DDHD2: variants seen among roughly 807,000 people sequenced by gnomAD.
DDHD2 encodes triacylglycerol hydrolase DDHD2.
A neutral mutation model predicts 91.2 loss-of-function variants in DDHD2; 62 were observed. That is an observed-to-expected ratio of 0.68 (90% CI 0.55 to 0.84). The LOEUF (loss-of-function observed/expected upper bound fraction) is 0.84, where lower values mean the gene tolerates loss of function less well. Among genes scored for constraint, DDHD2 ranks in the 40% least tolerant of loss-of-function variants. DDHD2 has a pLI of 0.00. For missense variants in DDHD2, 740 were observed against 846.9 expected (o/e 0.87, Z 1.57); for synonymous variants, 271 against 293.9 (o/e 0.92, Z 0.80).
chr8:38,271,674 GAC>G (rs1368670085), downstream of DDHD2: 1 of 152,188 alleles, frequency 6.6e-6, no homozygotes, highest in African/African-American at 2.4e-5. Context: ...CACCAACTTG[GAC>G]AACTGGGGGA....
intron 10 of DDHD2, among the ~76,000 whole-genome samples, chr8:38,248,618 G>A (rs1277658241): frequency 2.0e-5 from 3 of 151,920 alleles, no homozygotes; most frequent in African/African-American, 7.2e-5. Context: ...AATTAACCTG[G>A]TCTCATAAGG....
downstream of DDHD2, chr8:38,267,133 A>T: frequency 6.5e-7 from 1 of 1,545,808 alleles, no homozygotes; most frequent in Non-Finnish European, 8.7e-7. Flanking sequence ...TAAACTGTGG[A>T]GTTACTAAAG....
intron 3 of DDHD2, among the ~76,000 whole-genome samples, chr8:38,235,001 T>C (rs1804600776): frequency 6.6e-6 from 1 of 152,164 alleles, no homozygotes; most frequent in South Asian, 2.1e-4. Context: ...AGTATTTTTT[T>C]TCATGTTTCA....
intron 3 of DDHD2, among the ~76,000 whole-genome samples, chr8:38,235,873 G>GCACACACGCACA (rs1554511691): frequency 2.0e-5 from 3 of 147,780 alleles, no homozygotes; most frequent in African/African-American, 7.5e-5. Context: ...AAGTACACGC[G>GCACACACGCACA]CACACACACA....
At chr8:38,235,871 G>GCACACACACA (rs1439175045) in intron 3 of DDHD2, among the ~76,000 whole-genome samples, 2 of 50,392 alleles carry the variant, frequency 4.0e-5, no homozygotes, top group Admixed American at 5.8e-4. Context: ...AAAAGTACAC[G>GCACACACACA]CGCACACACA....
chr8:38,267,263 AT>A (rs1807768105), downstream of DDHD2: 1 of 1,613,880 alleles, frequency 6.2e-7, no homozygotes, highest in African/African-American at 1.3e-5. Flanking sequence ...TATGATATTC[AT>A]ACAGGAAGAA....
chr8:38,250,703 C>G (rs913627499), intron 11 of DDHD2: 1 of 151,810 alleles, frequency 6.6e-6, no homozygotes, highest in Non-Finnish European at 1.5e-5. Flanking sequence ...TAAAATTCAC[C>G]CTTTTAAAGT....
intron 16 of DDHD2, among the ~76,000 whole-genome samples, chr8:38,254,475 G>A (rs2130859371): frequency 6.6e-6 from 1 of 151,870 alleles, no homozygotes; most frequent in East Asian, 1.9e-4. Context: ...TGACCTCCTG[G>A]ACTCAAGTGA....
At chr8:38,238,592 A>G in intron 5 of DDHD2, 3 of 1,019,688 alleles carry the variant, frequency 2.9e-6, no homozygotes, top group Non-Finnish European at 3.5e-6. Flanking sequence ...CTGATTATGC[A>G]CTGCTATCTA....
At chr8:38,255,194 C>CAAAAAAAAAAAAAAA in intron 16 of DDHD2, 1 of 114,112 alleles carries the variant, frequency 8.8e-6, no homozygotes, top group Non-Finnish European at 1.6e-5. Context: ...GACTCCATCT[C>CAAAAAAAAAAAAAAA]AAAAAAAAAA....
In DDHD2 at chr8:38,249,717, A is replaced by G; in HGVS notation, c.1258A>G (p.Thr420Ala). 2 of 1,608,664 alleles carry G rather than the reference A, an allele frequency of 1.2e-6. No homozygotes were observed. The highest frequency in any genetic ancestry group is 1.7e-6 in the Non-Finnish European group (2 of 1,176,034). ...KVDKEALALCTDRDLQEIGIP... is the reference protein window; with the variant it reads ...KVDKEALALCADRDLQEIGIP... ...GATTTTCTATGCCTAGGCTTTATGT[A>G]CAGACCGAGATCTTCAGGAAATAGG... The change falls in exon 11 of 18, where the codon ACA (threonine) becomes GCA (alanine). Residue 420 changes from threonine (T) to alanine (A), a missense_variant. Around this residue, in one of 2 missense-constraint regions of DDHD2, gnomAD observed 693 missense variants for 764.2 expected, o/e 0.91. Coordinates refer to ENST00000397166, the MANE Select transcript of DDHD2 (RefSeq NM_015214.3).
chr8:38,237,342 A>G (rs1585704861), intron 3 of DDHD2, among the ~76,000 whole-genome samples, 196 bp from the exon 4 acceptor site: 1 of 151,954 alleles, frequency 6.6e-6, no homozygotes, highest in East Asian at 1.9e-4. Context: ...TGCCACTGCA[A>G]CCCAGCCTGG....
downstream of DDHD2, chr8:38,267,787 A>C: frequency 8.9e-7 from 1 of 1,122,622 alleles, no homozygotes; most frequent in South Asian, 1.4e-5. Context: ...ATCAGAGTGA[A>C]GATAAAGGAG....
At chr8:38,256,927 T>C (rs907669263) in intron 16 of DDHD2, among the ~76,000 whole-genome samples, 2 of 152,116 alleles carry the variant, frequency 1.3e-5, no homozygotes, top group Non-Finnish European at 2.9e-5. Context: ...TTTTTTATTT[T>C]TTATTTTTAT....
In DDHD2 at chr8:38,253,651, C is replaced by T; in HGVS notation, c.1987C>T (p.Leu663=). Reference sequence around the variant, plus strand: ...TGGAGGCCAACGCATTGACTATGTGCTACAGGAGAAGCCTATTGAAAGTTT... The same window carrying T: ...TGGAGGCCAACGCATTGACTATGTGTTACAGGAGAAGCCTATTGAAAGTTT... ...LNGGQRIDYV[L]QEKPIESFNE... Residue 663 remains leucine, a synonymous_variant, in exon 16 of 18, where the codon CTA becomes TTA. Coordinates refer to ENST00000397166, the MANE Select transcript of DDHD2 (RefSeq NM_015214.3). 6.2e-7 allele frequency: 1 copy of T among 1,614,002 alleles called. No homozygotes were observed. The highest frequency in any genetic ancestry group is 1.3e-5 in the African/African-American group (1 of 75,048).
At chr8:38,237,430 A>T in intron 3 of DDHD2, 108 bp from the exon 4 acceptor site, 1 of 582,374 alleles carries the variant, frequency 1.7e-6, no homozygotes, top group Non-Finnish European at 3.1e-6. Context: ...GATAAATTGG[A>T]GTAGGATATT....
downstream of DDHD2, chr8:38,264,552 C>A: frequency 6.3e-7 from 1 of 1,580,780 alleles, no homozygotes; most frequent in South Asian, 1.2e-5. Context: ...GATAATACTG[C>A]CGATAGCAGA....
In DDHD2 at chr8:38,268,789, C is replaced by T. The variant is rs1315143975; in HGVS notation, n.88-2333C>T. 1.3e-5 allele frequency: 19 copies of T among 1,443,154 alleles called. 1 individual carries two copies. Among genetic ancestry groups the T allele is most frequent in the Non-Finnish European group, 1.8e-6 (2 of 1,096,960 alleles). The allele number at this position is 1,443,154 out of a possible 1,614,324, so 89.4% of individuals were successfully genotyped here. ...CACAGCAGCGGAGTGGGCAGTGGGTCCCTACAAAGGCCGTCTCGGGGTGGA... is the reference window on the plus strand; with the variant it reads ...CACAGCAGCGGAGTGGGCAGTGGGTTCCTACAAAGGCCGTCTCGGGGTGGA... On this transcript the variant is annotated intron_variant and non_coding_transcript_variant, in intron 1 of 1. Coordinates refer to the DDHD2 transcript ENST00000526071.
At chr8:38,242,131 C>T (rs763344591) in intron 6 of DDHD2, 119 bp from the exon 7 acceptor site, 11 of 742,952 alleles carry the variant, frequency 1.5e-5, no homozygotes, top group East Asian at 3.0e-5. Context: ...TTATTTTTGA[C>T]GGAAGTCAGT....
Sources: allele counts gnomAD v4.1 joint callset (sites outside exome capture counted in the v4.1 genomes callset), GRCh38; gene constraint gnomAD v4.1.1; regional missense constraint gnomAD v4.1.1; transcripts MANE v1.5; gene names NCBI Gene and HGNC (gene_info 2026-07-23, HGNC 2026-07-21).